SIPA1L3: variants seen among roughly 807,000 people sequenced by gnomAD.
SIPA1L3 encodes signal-induced proliferation-associated 1-like protein 3.
Under a neutral mutation model 150.1 loss-of-function variants are expected in SIPA1L3, and 59 were observed. The observed-to-expected ratio is 0.39, with a 90% CI of 0.32 to 0.49. The LOEUF (loss-of-function observed/expected upper bound fraction) is 0.49, where lower values mean the gene tolerates loss of function less well. SIPA1L3 is among the 20% of genes least tolerant of loss of function. The probability of loss-of-function intolerance (pLI) is 0.86; values close to 1 mark genes in which losing one functional copy is unlikely to be tolerated. For missense variants in SIPA1L3, 2,211 were observed against 2,489.5 expected (o/e 0.89, Z 2.38); for synonymous variants, 1,070 against 1,077.6 (o/e 0.99, Z 0.14).
chr19:38,060,143 T>A (rs1969416021), intron 2 of SIPA1L3, among the ~76,000 whole-genome samples: 1 of 152,238 alleles, frequency 6.6e-6, no homozygotes, highest in South Asian at 2.1e-4. Flanking sequence ...TTGTGAAAGC[T>A]GTGTTCCCTA....
chr19:38,020,683 G>T (rs1968352941), intron 1 of SIPA1L3, among the ~76,000 whole-genome samples: 1 of 152,238 alleles, frequency 6.6e-6, no homozygotes, highest in South Asian at 2.1e-4. Flanking sequence ...TAAGGAGAAA[G>T]AAGCTATTCT....
In SIPA1L3 at chr19:38,119,901, C is replaced by A; in HGVS notation, c.2868+19C>A. ...ACTGAAGGTAAGGGAGAGAGCCCGG[C>A]GATAGGGCGGCGATTTGTATGGTTT... On this transcript the variant is annotated intron_variant, in intron 9 of 21. Transcript: ENST00000222345. 1 of 1,561,498 alleles carries A rather than the reference C, an allele frequency of 6.4e-7. No homozygotes were observed. Among genetic ancestry groups the A allele is most frequent in the Non-Finnish European group, 8.7e-7 (1 of 1,150,816 alleles).
chr19:38,181,532 C>T (rs11083448), intron 15 of SIPA1L3, among the ~76,000 whole-genome samples: 12,466 of 151,792 alleles, frequency 0.082, 680 homozygotes, highest in Non-Finnish European at 0.12. Context: ...TTTATATACA[C>T]ATGCGTATGT....
rs746174616 is a variant in SIPA1L3 at position 38,110,286 on chromosome 19, C to T, written c.2193C>T (p.Gly731=). ...TGACGATCATCTTCCAGGAGCCTGG[C>T]GCGCTACCGTTCACCCCCAAGAACA... ...DIVTIIFQEP[G]ALPFTPKNIR... is the part of the protein sequence containing the mutation. Residue 731 remains glycine, a synonymous_variant, in exon 8 of 22, where the codon GGC becomes GGT. Coordinates refer to ENST00000222345, the MANE Select transcript of SIPA1L3 (RefSeq NM_015073.3). The T allele has an allele frequency of 2.0e-5, 32 of 1,614,024 alleles. 1 individual carries two copies. Among genetic ancestry groups the T allele is most frequent in the East Asian group, 1.3e-4 (6 of 44,898 alleles).
intron 1 of SIPA1L3, among the ~76,000 whole-genome samples, chr19:37,989,422 C>G (rs546457396): frequency 6.6e-6 from 1 of 152,112 alleles, no homozygotes; most frequent in Non-Finnish European, 1.5e-5. Flanking sequence ...GGGGATCTCA[C>G]TGTGTTGCCC....
intron 7 of SIPA1L3, among the ~76,000 whole-genome samples, chr19:38,106,875 G>A (rs924556406): frequency 9.2e-5 from 14 of 152,232 alleles, no homozygotes; most frequent in African/African-American, 2.4e-4. Flanking sequence ...CAGCTAGCCC[G>A]ACGCCCCTCC....
Position 38,047,920 on chromosome 19 carries a change from A to C in SIPA1L3, c.-311+18764A>C, listed in dbSNP as rs1302556835. Among the ~76,000 whole-genome samples the C allele has an allele frequency of 2.0e-5, 3 of 152,200 alleles. No individual in the cohort carries two copies. Among genetic ancestry groups the C allele is most frequent in the African/African-American group, 7.2e-5 (3 of 41,442 alleles). ...ACCCCCTGCCGTCATCAGGAGAAAT[A>C]CAACATGGGAAACCGGCGGTAACTC... On this transcript the variant is annotated intron_variant, in intron 2 of 21. Transcript: ENST00000222345. The surrounding 1 kb of genome is among the most constrained non-coding windows in gnomAD (Gnocchi z 4.7).
chr19:38,202,984 G>T (rs1273223965), intron 20 of SIPA1L3, among the ~76,000 whole-genome samples: 2 of 152,218 alleles, frequency 1.3e-5, no homozygotes, highest in African/African-American at 4.8e-5. Flanking sequence ...GGCACATTCT[G>T]CCTGTACATG....
intron 10 of SIPA1L3, among the ~76,000 whole-genome samples, chr19:38,139,723 G>A (rs545307729): frequency 2.6e-5 from 4 of 152,258 alleles, no homozygotes; most frequent in South Asian, 2.1e-4. Flanking sequence ...ATATGAGATC[G>A]GATAATGGAT....
At chr19:38,161,793 A>T (rs944613012) in intron 13 of SIPA1L3, among the ~76,000 whole-genome samples, 4 of 152,032 alleles carry the variant, frequency 2.6e-5, no homozygotes, top group Admixed American at 6.6e-5. Context: ...CACGCCTATC[A>T]TCCCAGCACT....
chr19:38,193,919 CAG>C (rs1348684801), intron 18 of SIPA1L3, 139 bp downstream of exon 18: 1 of 1,022,684 alleles, frequency 9.8e-7, no homozygotes, highest in African/African-American at 1.7e-5. Flanking sequence ...ATGGGGTTCA[CAG>C]GAACTTCGGG....
intron 7 of SIPA1L3, chr19:38,109,356 C>T (rs1445269106): frequency 6.6e-6 from 1 of 152,206 alleles, no homozygotes; most frequent in African/African-American, 2.4e-5. Flanking sequence ...ACGAGAACAG[C>T]ATGGAAAAGA....
intron 16 of SIPA1L3, among the ~76,000 whole-genome samples, chr19:38,191,233 C>G (rs1451222466): frequency 1.3e-5 from 2 of 151,356 alleles, no homozygotes; most frequent in Non-Finnish European, 2.9e-5. Context: ...CTAGTAGGAC[C>G]CCATCTTTAC....
intron 13 of SIPA1L3, 129 bp downstream of exon 13, chr19:38,153,096 C>T: frequency 1.6e-6 from 2 of 1,248,418 alleles, no homozygotes; most frequent in Non-Finnish European, 2.2e-6. Flanking sequence ...GCTGTAAGCG[C>T]CACATGTAAG....
At chr19:37,938,624 CTTT>C (rs759856556) in intron 1 of SIPA1L3, among the ~76,000 whole-genome samples, 14 of 131,246 alleles carry the variant, frequency 1.1e-4, no homozygotes, top group Admixed American at 2.3e-4. Context: ...TTTCTTTTTT[CTTT>C]TTTTTTTTTT....
At chr19:38,074,882 G>A (rs944971894) in intron 2 of SIPA1L3, among the ~76,000 whole-genome samples, 1 of 152,130 alleles carries the variant, frequency 6.6e-6, no homozygotes, top group African/African-American at 2.4e-5. Context: ...ACAGGCATAC[G>A]CCACCACGCC....
intron 1 of SIPA1L3, among the ~76,000 whole-genome samples, chr19:38,001,978 C>T (rs1407219049): frequency 6.6e-6 from 1 of 152,100 alleles, no homozygotes; most frequent in African/African-American, 2.4e-5. Flanking sequence ...AGAAAATATG[C>T]ACAACTCATT....
intron 1 of SIPA1L3, among the ~76,000 whole-genome samples, chr19:37,976,218 C>T (rs544407830): frequency 4.6e-5 from 7 of 152,044 alleles, no homozygotes; most frequent in South Asian, 4.2e-4. Flanking sequence ...ATGCCCACGG[C>T]GCCCCAGGGG....
At chr19:38,079,559 A>ATTTT (rs35759392) in intron 2 of SIPA1L3, among the ~76,000 whole-genome samples, 4 of 141,474 alleles carry the variant, frequency 2.8e-5, no homozygotes, top group East Asian at 2.1e-4. Flanking sequence ...GTTTTTGGGG[A>ATTTT]TTTTTTTTTT....
Sources: gnomAD v4.1 joint callset for allele counts (sites outside exome capture counted in the v4.1 genomes callset) on GRCh38, gnomAD v4.1.1 for gene constraint, Gnocchi (gnomAD v3.1) non-coding constraint, MANE v1.5 for transcripts, NCBI Gene and HGNC (gene_info 2026-07-23, HGNC 2026-07-21) for gene names.